Variants in ABCA9 observed in about 807,000 individuals in gnomAD.
The protein encoded by ABCA9 is ATP-binding cassette sub-family A member 9.
Under a neutral mutation model 205.3 loss-of-function variants are expected in ABCA9, and 183 were observed. The ratio of observed to expected loss-of-function variants is 0.89; its 90% confidence interval spans 0.79 to 1.01. The LOEUF is 1.01. ABCA9 is among the 50% of genes least tolerant of loss of function. The pLI is 0.00. For missense variants in ABCA9, 1,805 were observed against 1,912.4 expected (o/e 0.94, Z 1.05); for synonymous variants, 651 against 683.3 (o/e 0.95, Z 0.74).
intron 20 of ABCA9, chr17:69,018,146 T>G: frequency 2.6e-6 from 1 of 390,582 alleles, no homozygotes; most frequent in East Asian, 4.4e-5. Context: ...CACAAAGACC[T>G]CAGAGGTGAG....
chr17:68,985,253 T>G, intron 32 of ABCA9, 125 bp from the exon 33 acceptor site: 1 of 1,180,326 alleles, frequency 8.5e-7, no homozygotes, highest in Non-Finnish European at 1.2e-6. Context: ...GTCATAAAAT[T>G]TAAACCACCT....
intron 25 of ABCA9, among the ~76,000 whole-genome samples, chr17:68,997,506 T>C (rs1450978184): frequency 2.0e-5 from 3 of 151,986 alleles, no homozygotes; most frequent in Non-Finnish European, 2.9e-5. Flanking sequence ...TTTCTTTTCT[T>C]GAATTCTTTA....
At chr17:69,025,971 T>C (rs1270868473) in intron 16 of ABCA9, among the ~76,000 whole-genome samples, 2 of 151,890 alleles carry the variant, frequency 1.3e-5, no homozygotes, top group Non-Finnish European at 2.9e-5. Context: ...ATGATAATAA[T>C]TATTATCAGT....
chr17:68,989,054 A>G lies in ABCA9; in HGVS notation c.4020T>C (p.Thr1340=). 6.2e-7 allele frequency: 1 copy of G among 1,613,254 alleles called. No homozygotes were observed. Among genetic ancestry groups the G allele is most frequent in the Non-Finnish European group, 8.5e-7 (1 of 1,179,342 alleles). The change falls in exon 31 of 39, where the codon ACT becomes ACC. Residue 1340 remains threonine, a synonymous_variant. Coordinates refer to ENST00000340001, the MANE Select transcript of ABCA9 (RefSeq NM_080283.4). ...GTCCTGCAGTTGGTTTTGTGTCTCC[A>G]GTTATCATCTTAATAGTTGTACTTT... ...AGKSTTIKMI[T]GDTKPTAGQV... is the part of the protein sequence containing the mutation.
intron 25 of ABCA9, among the ~76,000 whole-genome samples, chr17:68,997,548 G>A (rs1292753955): frequency 6.8e-6 from 1 of 146,960 alleles, no homozygotes; most frequent in African/African-American, 2.5e-5. Flanking sequence ...AACCCTAAGT[G>A]GTTCCTCTTT....
intron 23 of ABCA9, among the ~76,000 whole-genome samples, chr17:69,008,975 G>A (rs2070268782): frequency 6.6e-6 from 1 of 152,172 alleles, no homozygotes; most frequent in Non-Finnish European, 1.5e-5. Flanking sequence ...AAACTGGAAT[G>A]CAAATAATTC....
chr17:68,988,954 A>C, intron 31 of ABCA9, 73 bp downstream of exon 31: 3 of 913,936 alleles, frequency 3.3e-6, no homozygotes, highest in Non-Finnish European at 5.3e-6. Context: ...TGGATCAACT[A>C]CATAGTCTAT....
intron 25 of ABCA9, 29 bp from the exon 26 acceptor site, chr17:68,996,043 T>C: frequency 1.2e-6 from 2 of 1,602,088 alleles, no homozygotes; most frequent in South Asian, 2.2e-5. Context: ...ATAGCGTCAT[T>C]AAAGTGTACC....
intron 10 of ABCA9, among the ~76,000 whole-genome samples, chr17:69,030,519 T>C (rs1472328531): frequency 1.3e-5 from 2 of 152,198 alleles, no homozygotes; most frequent in Non-Finnish European, 2.9e-5. Context: ...TGAGGGGATA[T>C]AATTCAATTT....
chr17:68,981,774 C>T lies in ABCA9; in HGVS notation c.4720+788G>A, dbSNP rs545733674. On this transcript the variant is annotated intron_variant, in intron 37 of 38. Coordinates refer to ENST00000340001, the MANE Select transcript of ABCA9 (RefSeq NM_080283.4). ...CCCAGGAGGCAGAGGTGCAGTGAGC[C>T]GAGATTGTGCCACTGCACCACTCCA... Among the ~76,000 whole-genome samples, 4 of 138,140 alleles carry T rather than the reference C, an allele frequency of 2.9e-5. No homozygotes were observed. The East Asian group carries it at 6.3e-4, about 22-fold the overall frequency. 90.6% of individuals were successfully genotyped at this position (138,140 alleles called of 152,430 possible). A position where few individuals can be genotyped will look rare whatever the true frequency, so the allele number is the denominator to read the frequency against.
intron 31 of ABCA9, 101 bp downstream of exon 31, chr17:68,988,926 A>C: frequency 1.4e-6 from 1 of 719,382 alleles, no homozygotes; most frequent in Non-Finnish European, 2.4e-6. Context: ...TCAATGCATA[A>C]ATCACACTAA....
chr17:69,027,800 T>C lies in ABCA9; in HGVS notation c.1631A>G (p.Tyr544Cys). ...SVPTSGSVTVYNHTLSRMADI... is the reference protein window; with the variant it reads ...SVPTSGSVTVCNHTLSRMADI... Reference sequence around the variant, plus strand: ...AGCCATTCTTGAAAGTGTGTGATTATAGACAGTGACTGAACCTGAAAGCAG... The same window carrying C: ...AGCCATTCTTGAAAGTGTGTGATTACAGACAGTGACTGAACCTGAAAGCAG... The change falls in exon 13 of 39, where the codon TAT becomes TGT. Residue 544 changes from tyrosine to cysteine, a missense_variant. Tyr to Cys is a radical substitution (Grantham distance 194). Transcript: ENST00000340001. The C allele has an allele frequency of 1.2e-6, 2 of 1,608,790 alleles. No homozygotes were observed. Among genetic ancestry groups the C allele is most frequent in the South Asian group, 1.1e-5 (1 of 90,126 alleles).
chr17:69,045,888 G>A (rs1160227742), intron 3 of ABCA9, among the ~76,000 whole-genome samples: 1 of 152,044 alleles, frequency 6.6e-6, no homozygotes, highest in East Asian at 1.9e-4. Flanking sequence ...GGGATTGTGG[G>A]GATTATGGGG....
At chr17:69,012,759 A>ATTTTT (rs1378249605) in intron 22 of ABCA9, among the ~76,000 whole-genome samples, 2 of 152,074 alleles carry the variant, frequency 1.3e-5, no homozygotes, top group Admixed American at 6.6e-5. Flanking sequence ...TCTTTTAGTT[A>ATTTTT]TTTTTAAGTA....
chr17:68,997,157 C>G (rs577284452), intron 25 of ABCA9, among the ~76,000 whole-genome samples: 76 of 152,344 alleles, frequency 5.0e-4, no homozygotes, highest in African/African-American at 1.8e-3. Context: ...TCTCGAACTC[C>G]TGACCTCAGG....
rs1598317323 is a variant in ABCA9 at position 68,974,551 on chromosome 17, C to G, written c.*1364G>C. ...AAGAATATAAGAACTAAAATCAAAG[C>G]CAAGGTCTTTCACACAACTTCCTTC... On this transcript the variant is annotated 3_prime_UTR_variant, in exon 39 of 39. Coordinates refer to ENST00000340001, the MANE Select transcript of ABCA9 (RefSeq NM_080283.4). The G allele has an allele frequency of 6.6e-6, 1 of 152,222 alleles. No individual in the cohort carries two copies. Among genetic ancestry groups the G allele is most frequent in the East Asian group, 1.9e-4 (1 of 5,186 alleles). 9.4% of individuals were successfully genotyped at this position (152,222 alleles called of 1,614,324 possible).
At chr17:69,039,204 A>T (rs2071452315) in intron 6 of ABCA9, among the ~76,000 whole-genome samples, 1 of 152,184 alleles carries the variant, frequency 6.6e-6, no homozygotes, top group Non-Finnish European at 1.5e-5. Context: ...ATAGAATTAG[A>T]AAAAACTACT....
At chr17:69,028,444 T>C (rs12940103) in intron 12 of ABCA9, 91 bp downstream of exon 12, 553,438 of 806,768 alleles carry the variant, frequency 0.69, 192,447 homozygotes, top group African/African-American at 0.74. Context: ...GGATTACAGG[T>C]GTGAGCCACC....
intron 3 of ABCA9, among the ~76,000 whole-genome samples, chr17:69,048,075 T>TA (rs1186831808): frequency 1.3e-5 from 2 of 152,150 alleles, no homozygotes; most frequent in African/African-American, 4.8e-5. Context: ...AAACCCCTTA[T>TA]AAAATCATTA....
Sources: gnomAD v4.1 joint callset for allele counts (sites outside exome capture counted in the v4.1 genomes callset) on GRCh38, gnomAD v4.1.1 for gene constraint, MANE v1.5 for transcripts, NCBI Gene and HGNC (gene_info 2026-07-23, HGNC 2026-07-21) for gene names.